The following KTN1 variants were observed in gnomAD, a reference collection of about 807,000 sequenced individuals.
KTN1 encodes the protein kinectin.
Under a neutral mutation model 222.5 loss-of-function variants are expected in KTN1, and 130 were observed. The ratio of observed to expected loss-of-function variants is 0.58; its 90% CI spans 0.51 to 0.68. KTN1 has a LOEUF of 0.68. Ranked by LOEUF, KTN1 falls within the 30% of genes least tolerant of loss-of-function variation. KTN1 has a pLI of 0.00. For missense variants in KTN1, 1,508 were observed against 1,500.4 expected, an observed-to-expected ratio of 1.01 and a Z score of -0.08; for synonymous variants, 512 against 496.3, an observed-to-expected ratio of 1.03 and a Z score of -0.42.
chr14:55,667,696 A>G (rs984157861), intron 34 of KTN1: 7 of 156,964 alleles, frequency 4.5e-5, no homozygotes, highest in South Asian at 2.0e-4. Flanking sequence ...AATGTACTTG[A>G]TACTATGAAC....
chr14:55,596,338 A>T (rs899431945), intron 1 of KTN1, among the ~76,000 whole-genome samples: 2 of 151,682 alleles, frequency 1.3e-5, no homozygotes, highest in African/African-American at 4.8e-5. Context: ...TTTCCCCCTA[A>T]CTCTTAGGCA....
At chr14:55,603,618 T>G (rs553766428) in intron 1 of KTN1, among the ~76,000 whole-genome samples, 1 of 152,248 alleles carries the variant, frequency 6.6e-6, no homozygotes, top group Non-Finnish European at 1.5e-5. Flanking sequence ...TGAGACCTGG[T>G]CTCTATTTAT....
At chr14:55,580,441 G>A (rs1345386105) in intron 1 of KTN1, 87 bp downstream of exon 1, 1 of 146,482 alleles carries the variant, frequency 6.8e-6, no homozygotes, top group South Asian at 2.0e-4. Flanking sequence ...CCTGGGGCAG[G>A]CGGGAGGGCC....
chr14:55,641,820 T>C (rs2041834308), intron 18 of KTN1, 60 bp downstream of exon 18: 7 of 1,069,768 alleles, frequency 6.5e-6, no homozygotes, highest in Middle Eastern at 2.6e-4. Flanking sequence ...ATCTGGTTCT[T>C]CTTATTTAGG....
rs543574803 is a variant in KTN1 at position 55,590,706 on chromosome 14, C to T, written c.-31+10352C>T. On this transcript the variant is annotated intron_variant, in intron 1 of 43. Transcript: ENST00000395314. ...TTTTTTTTTTTTTGAGATGGAGTCT[C>T]GCTCTGTTGCCCAGGCTGGAGTGCA... Among the ~76,000 whole-genome samples the T allele has an allele frequency of 8.7e-5, 13 of 150,164 alleles. No individual in the cohort carries two copies. In the East Asian group the frequency reaches 1.4e-3, roughly 16 times the overall value.
chr14:55,592,101 A>G (rs1354704931), intron 1 of KTN1, among the ~76,000 whole-genome samples: 1 of 152,174 alleles, frequency 6.6e-6, no homozygotes, highest in Non-Finnish European at 1.5e-5. Context: ...TTAAAAGTTA[A>G]AAATTTTAAT....
intron 5 of KTN1, among the ~76,000 whole-genome samples, chr14:55,623,423 A>G (rs2140824964): frequency 6.6e-6 from 1 of 152,350 alleles, no homozygotes; most frequent in African/African-American, 2.4e-5. Context: ...CCTGTCACCC[A>G]GGCTGGAGTG....
rs1344419417 is a variant in KTN1 at position 55,650,412 on chromosome 14, T to C, written c.2490T>C (p.Thr830=). ...ELLKVANKEK[T]VQDLKQEIKA... ...TCAAAGTTGCTAACAAGGAGAAAAC[T>C]GTTCAGGTATTGGGAGACAGAGAAC... Residue 830 remains threonine, a synonymous_variant, in exon 23 of 44, where the codon ACT becomes ACC. Coordinates refer to ENST00000395314, the MANE Select transcript of KTN1 (RefSeq NM_001079521.2). The C allele has an allele frequency of 1.5e-5, 24 of 1,606,960 alleles. No individual in the cohort carries two copies. Among genetic ancestry groups the C allele is most frequent in the Non-Finnish European group, 2.0e-5 (24 of 1,175,628 alleles).
In KTN1 at chr14:55,612,477, A is replaced by T; in HGVS notation, c.429A>T (p.Val143=). 1 of 1,614,172 alleles carries T rather than the reference A, an allele frequency of 6.2e-7. No homozygotes were observed. Among genetic ancestry groups the T allele is most frequent in the Non-Finnish European group, 8.5e-7 (1 of 1,180,016 alleles). The change falls in exon 2 of 44, where the codon GTA becomes GTT. Residue 143 remains valine, a synonymous_variant. Coordinates refer to ENST00000395314, the MANE Select transcript of KTN1 (RefSeq NM_001079521.2). ...CATCAAAGATTCCTGGCAAAAAAGT[A>T]GAACCTGTCCCAGTTACTAAACAGC... ...SDASKIPGKK[V]EPVPVTKQPT... is the part of the protein sequence containing the mutation.
At chr14:55,679,488 T>A in intron 42 of KTN1, 77 bp from the exon 43 acceptor site, 1 of 1,210,482 alleles carries the variant, frequency 8.3e-7, no homozygotes. Flanking sequence ...ATCAGCAATA[T>A]AACATTTTCT....
intron 42 of KTN1, 55 bp downstream of exon 42, chr14:55,678,499 A>G (rs934588803): frequency 1.2e-5 from 13 of 1,066,556 alleles, no homozygotes; most frequent in Non-Finnish European, 1.5e-5. Context: ...TGACCTGTGT[A>G]AAGAACAAAA....
chr14:55,660,025 T>C (rs1034392565), intron 31 of KTN1, among the ~76,000 whole-genome samples: 2 of 152,216 alleles, frequency 1.3e-5, no homozygotes, highest in African/African-American at 2.4e-5. Flanking sequence ...TACTGGGTCT[T>C]CTTTCTTCTA....
Position 55,664,143 on chromosome 14 carries a change from A to G in KTN1, c.3177+102A>G, listed in dbSNP as rs186689696. 1.7e-5 allele frequency: 12 copies of G among 711,682 alleles called. No homozygotes were observed. The Admixed American group carries it at 3.2e-4, about 19-fold the overall frequency. 44.1% of individuals were successfully genotyped at this position (711,682 alleles called of 1,614,324 possible). A position where few individuals can be genotyped will look rare whatever the true frequency, so the allele number is the denominator to read the frequency against. ...TTTACTTTTACTGCAATTTAAATAT[A>G]AAATCTCCTTATCCATATTTATCAT... On this transcript the variant is annotated intron_variant, in intron 33 of 43. Coordinates refer to ENST00000395314, the MANE Select transcript of KTN1 (RefSeq NM_001079521.2).
chr14:55,661,600 G>A lies in KTN1; in HGVS notation c.3078G>A (p.Arg1026=). The part of the protein sequence containing the change: ...DSLKDAVEHQ[R]KKNNDLREKN... ...TGAAGGATGCAGTTGAACACCAGAGGAAGAAAAACAATGTAAGTAGATCTT... is the reference window on the plus strand; with the variant it reads ...TGAAGGATGCAGTTGAACACCAGAGAAAGAAAAACAATGTAAGTAGATCTT... Residue 1026 remains arginine (R), a synonymous_variant, in exon 32 of 44, where the codon AGG becomes AGA. Coordinates refer to ENST00000395314, the MANE Select transcript of KTN1 (RefSeq NM_001079521.2). The A allele has an allele frequency of 1.3e-6, 2 of 1,557,934 alleles. No individual in the cohort carries two copies. Among genetic ancestry groups the A allele is most frequent in the Non-Finnish European group, 1.8e-6 (2 of 1,129,956 alleles).
chr14:55,627,612 C>T (rs1243941087), intron 5 of KTN1, among the ~76,000 whole-genome samples: 2 of 152,230 alleles, frequency 1.3e-5, no homozygotes, highest in African/African-American at 4.8e-5. Context: ...CCTATTCCCC[C>T]ACGCCCCGAC....
At chr14:55,676,407 GT>G (rs2045894193) in intron 41 of KTN1, among the ~76,000 whole-genome samples, 1 of 151,956 alleles carries the variant, frequency 6.6e-6, no homozygotes. Flanking sequence ...GGTTTGACAG[GT>G]TATTTGTAAT....
rs150328744 is a variant in KTN1, at chr14:55,617,932, C to G, written c.662-32C>G. The G allele has an allele frequency of 1.4e-5, 21 of 1,478,926 alleles. No homozygotes were observed. The East Asian group carries it at 4.7e-4, about 33-fold the overall frequency. 91.6% of individuals were successfully genotyped at this position (1,478,926 alleles called of 1,614,324 possible). On this transcript the variant is annotated intron_variant, in intron 3 of 43. Coordinates refer to ENST00000395314, the MANE Select transcript of KTN1 (RefSeq NM_001079521.2). ...TCATTTACTCTGTTTTGTAAAAATTCTAATTATGATTTTGTTGAACTTAAA... is the reference window on the plus strand; with the variant it reads ...TCATTTACTCTGTTTTGTAAAAATTGTAATTATGATTTTGTTGAACTTAAA...
chr14:55,633,572 A>C (rs1384343017), intron 8 of KTN1, among the ~76,000 whole-genome samples: 1 of 151,452 alleles, frequency 6.6e-6, no homozygotes, highest in African/African-American at 2.4e-5. Context: ...TTATACAAAT[A>C]CATTAATATA....
rs184786082 is a variant in KTN1 at position 55,650,916 on chromosome 14, G to A, written c.2565+279G>A. ...TTACAAATGAAACACGAAACAGTTT[G>A]GCAATTTTTTTAATCCCCCTGCCCC... On this transcript the variant is annotated intron_variant, in intron 24 of 43. Coordinates refer to ENST00000395314, the MANE Select transcript of KTN1 (RefSeq NM_001079521.2). 4.6e-3 allele frequency among the ~76,000 whole-genome samples: 699 copies of A among 152,140 alleles called. 18 individuals are homozygous for A. Among genetic ancestry groups the A allele is most frequent in the Admixed American group, 0.036 (546 of 15,288 alleles).
Sources: gnomAD v4.1 joint callset for allele counts (sites outside exome capture counted in the v4.1 genomes callset) on GRCh38, gnomAD v4.1.1 for gene constraint, MANE v1.5 for transcripts, NCBI Gene and HGNC (gene_info 2026-07-23, HGNC 2026-07-21) for gene names.